Variants in NEK6 observed in about 807,000 individuals in gnomAD.
NEK6 encodes NIMA related kinase 6.
A neutral mutation model predicts 43.5 loss-of-function variants in NEK6; 27 were observed. The ratio of observed to expected loss-of-function variants is 0.62; its 90% CI spans 0.46 to 0.86. NEK6 has a LOEUF of 0.86. NEK6 is among the 40% of genes least tolerant of loss of function. The pLI is 0.00. For missense variants in NEK6, 318 were observed against 414.4 expected (o/e 0.77, Z 2.02); for synonymous variants, 167 against 164.1 (o/e 1.02, Z -0.14).
intron 1 of NEK6, among the ~76,000 whole-genome samples, chr9:124,273,007 G>A (rs540849295): frequency 1.3e-5 from 2 of 152,318 alleles, no homozygotes; most frequent in East Asian, 3.9e-4. Flanking sequence ...ATGTGTCAGG[G>A]CTGTGCTGGG....
rs1830030569 is a variant in NEK6, at chr9:124,347,901, G to GA, written c.831+79_831+80insA. ...ATGAGGGCCGCTCCAAAACACCACA[G>GA]CTGTGGGGCTGAGGTTAGGCTCACT... is the stretch of plus-strand genomic sequence containing the variant. On this transcript the variant is annotated intron_variant, in intron 9 of 9. Transcript: ENST00000320246. 10 of 805,450 alleles carry GA rather than the reference G, an allele frequency of 1.2e-5. No individual in the cohort carries two copies. In the East Asian group the frequency reaches 2.6e-4, roughly 21 times the overall value. 49.9% of individuals were successfully genotyped at this position (805,450 alleles called of 1,614,324 possible).
intron 2 of NEK6, among the ~76,000 whole-genome samples, chr9:124,307,079 AT>A (rs1833289604): frequency 1.3e-5 from 2 of 152,018 alleles, no homozygotes; most frequent in African/African-American, 4.8e-5. Flanking sequence ...CAGAAAATTA[AT>A]TGGGCGAATG....
intron 1 of NEK6, among the ~76,000 whole-genome samples, chr9:124,279,391 C>A (rs1368752638): frequency 1.3e-5 from 2 of 151,058 alleles, no homozygotes; most frequent in Non-Finnish European, 3.0e-5. Context: ...AACCTCTGCT[C>A]CCCGGGTTCA....
At chr9:124,318,055 G>C (rs567362285) in intron 4 of NEK6, among the ~76,000 whole-genome samples, 2 of 152,144 alleles carry the variant, frequency 1.3e-5, no homozygotes, top group East Asian at 3.9e-4. Context: ...TGGGATTGCT[G>C]GGTCAAATGG....
intron 1 of NEK6, among the ~76,000 whole-genome samples, chr9:124,285,160 G>A (rs1331812800): frequency 6.6e-6 from 1 of 152,202 alleles, no homozygotes; most frequent in Non-Finnish European, 1.5e-5. Context: ...GGCACGGCAC[G>A]GTTGAACGTC....
At position 124,351,001 on chromosome 9, in the gene NEK6, C is replaced by T. The variant is rs1830248203; in HGVS notation, c.*54C>T. ...CAGCACCACTTTGCCTTACTTGAGT[C>T]GTCTTCTCTTCGAGTGGCCACCTGG... is the stretch of plus-strand genomic sequence containing the variant. On this transcript the variant is annotated 3_prime_UTR_variant, in exon 10 of 10. Coordinates refer to ENST00000320246, the MANE Select transcript of NEK6 (RefSeq NM_014397.6). 1.3e-5 allele frequency: 17 copies of T among 1,333,476 alleles called. No individual in the cohort carries two copies. The Middle Eastern group carries it at 6.3e-4, about 49-fold the overall frequency. 82.6% of individuals were successfully genotyped at this position (1,333,476 alleles called of 1,614,324 possible).
Position 124,351,121 on chromosome 9 carries a change from G to C in NEK6, c.*174G>C. ...GCTGAAGGCAGAGCAGCTGAGGGAGGGGCGCTGGCCACATGTCACTGATGG... is the reference window on the plus strand; with the variant it reads ...GCTGAAGGCAGAGCAGCTGAGGGAGCGGCGCTGGCCACATGTCACTGATGG... On this transcript the variant is annotated 3_prime_UTR_variant, in exon 10 of 10. Coordinates refer to ENST00000320246, the MANE Select transcript of NEK6 (RefSeq NM_014397.6). 1.7e-6 allele frequency: 1 copy of C among 573,542 alleles called. No homozygotes were observed. The highest frequency in any genetic ancestry group is 2.0e-5 in the South Asian group (1 of 49,674). 35.5% of individuals were successfully genotyped at this position (573,542 alleles called of 1,614,324 possible).
chr9:124,308,876 C>T (rs1160795961), intron 2 of NEK6, among the ~76,000 whole-genome samples: 3 of 152,218 alleles, frequency 2.0e-5, no homozygotes, highest in Non-Finnish European at 4.4e-5. Context: ...TGTGTGTGGA[C>T]GACCAGCCCA....
intron 1 of NEK6, chr9:124,258,316 G>T: frequency 3.0e-6 from 3 of 985,180 alleles, no homozygotes; most frequent in Non-Finnish European, 3.6e-6. Context: ...GCGCGTCCCC[G>T]GCGGGTGTGC....
chr9:124,260,840 T>C (rs1483811026), intron 1 of NEK6, among the ~76,000 whole-genome samples: 2 of 152,186 alleles, frequency 1.3e-5, no homozygotes, highest in African/African-American at 4.8e-5. Flanking sequence ...GATGAGAGAA[T>C]GCGCCAAAGA....
intron 2 of NEK6, among the ~76,000 whole-genome samples, chr9:124,310,260 C>T (rs1272318695): frequency 6.6e-6 from 1 of 152,260 alleles, no homozygotes; most frequent in Non-Finnish European, 1.5e-5. Context: ...CAGGGTTGTT[C>T]TGAGGACCCA....
At chr9:124,294,264 C>G (rs1832571706) in intron 1 of NEK6, among the ~76,000 whole-genome samples, 1 of 152,110 alleles carries the variant, frequency 6.6e-6, no homozygotes, top group African/African-American at 2.4e-5. Context: ...TACTCGGGAG[C>G]CTGAGTAGTG....
Position 124,350,848 on chromosome 9 carries a change from G to A in NEK6, c.843G>A (p.Leu281=). ...TCTCTCCCCTGCAGTTACGAGAACT[G>A]GTCAGCATGTGCATCTGCCCTGACC... ...GEHYSEKLRE[L]VSMCICPDPH... is the part of the protein sequence containing the mutation. Residue 281 remains leucine, a synonymous_variant, in exon 10 of 10, where the codon CTG becomes CTA. Transcript: ENST00000320246. 6.2e-7 allele frequency: 1 copy of A among 1,612,482 alleles called. No individual in the cohort carries two copies. Among genetic ancestry groups the A allele is most frequent in the Non-Finnish European group, 8.5e-7 (1 of 1,179,690 alleles).
At chr9:124,308,917 A>T (rs925182682) in intron 2 of NEK6, among the ~76,000 whole-genome samples, 1 of 152,254 alleles carries the variant, frequency 6.6e-6, no homozygotes, top group African/African-American at 2.4e-5. Flanking sequence ...CAAAAGTGGA[A>T]CTTGCGGGGA....
In NEK6 at chr9:124,351,068, CA is replaced by C. The variant is rs929873784; in HGVS notation, c.*125del. The C allele has an allele frequency of 1.2e-4, 79 of 658,592 alleles. No homozygotes were observed. Among genetic ancestry groups the C allele is most frequent in the African/African-American group, 1.2e-3 (66 of 55,438 alleles). The allele number at this position is 658,592 out of a possible 1,614,324, so 40.8% of individuals were successfully genotyped here. A position where few individuals can be genotyped will look rare whatever the true frequency, so the allele number is the denominator to read the frequency against. On this transcript the variant is annotated 3_prime_UTR_variant, in exon 10 of 10. Coordinates refer to ENST00000320246, the MANE Select transcript of NEK6 (RefSeq NM_014397.6). ...AGACCACAGGGTTCAGCAGGTTCCC[CA>C]AAAGGCTGCCCAGCCTTACAGCAGA...
chr9:124,292,432 C>T, intron 1 of NEK6: 1 of 1,536,686 alleles, frequency 6.5e-7, no homozygotes, highest in Non-Finnish European at 8.7e-7. Context: ...TTGTCTGCCC[C>T]TTCCTGCCTG....
At chr9:124,313,052 G>A (rs1833617987) in intron 3 of NEK6, among the ~76,000 whole-genome samples, 2 of 152,190 alleles carry the variant, frequency 1.3e-5, no homozygotes, top group South Asian at 4.1e-4. Flanking sequence ...ACAGTTCTGG[G>A]CTTCCTGCCT....
intron 1 of NEK6, among the ~76,000 whole-genome samples, chr9:124,264,751 G>C (rs1028210399): frequency 2.0e-5 from 3 of 149,238 alleles, no homozygotes; most frequent in Admixed American, 6.7e-5. Context: ...GGAGACAGAG[G>C]CTGCAGTGAG....
At chr9:124,320,821 G>T (rs561589886) in intron 4 of NEK6, among the ~76,000 whole-genome samples, 27 of 152,340 alleles carry the variant, frequency 1.8e-4, no homozygotes, top group Non-Finnish European at 3.1e-4. Context: ...GCCAGGCATG[G>T]TGGCATGCAG....
Sources: gnomAD v4.1 joint callset for allele counts (sites outside exome capture counted in the v4.1 genomes callset) on GRCh38, gnomAD v4.1.1 for gene constraint, MANE v1.5 for transcripts, NCBI Gene and HGNC (gene_info 2026-07-23, HGNC 2026-07-21) for gene names.